Variants in SPON1 observed in about 807,000 individuals in gnomAD.
The protein encoded by SPON1 is spondin 1, also known as spondin-1.
SPON1 carries 52 observed loss-of-function variants against 111.7 expected under a neutral mutation model. The observed-to-expected ratio is 0.47, with a 90% CI of 0.37 to 0.59. The LOEUF is 0.59. SPON1 is among the 20% of genes least tolerant of loss of function. The pLI is 0.00. For missense variants in SPON1, 957 were observed against 1,068.5 expected (o/e 0.90, Z 1.46); for synonymous variants, 410 against 395.8 (o/e 1.04, Z -0.43).
At chr11:14,029,133 A>G (rs1466246284) in intron 2 of SPON1, among the ~76,000 whole-genome samples, 1 of 151,920 alleles carries the variant, frequency 6.6e-6, no homozygotes, top group Admixed American at 6.6e-5. Context: ...CTACACACAC[A>G]CACACACACA....
chr11:14,249,384 G>A (rs1554940489), intron 7 of SPON1, among the ~76,000 whole-genome samples: 1 of 152,164 alleles, frequency 6.6e-6, no homozygotes, highest in Admixed American at 6.5e-5. Flanking sequence ...AGAAGCAGGT[G>A]GTAGGTCTAA....
At chr11:14,065,583 G>C (rs1361382480) in intron 3 of SPON1, among the ~76,000 whole-genome samples, 1 of 152,146 alleles carries the variant, frequency 6.6e-6, no homozygotes, top group Non-Finnish European at 1.5e-5. Context: ...TGAAGTCTTG[G>C]GTGCTTGGAA....
At chr11:14,196,964 C>G (rs1029957837) in intron 6 of SPON1, among the ~76,000 whole-genome samples, 3 of 152,300 alleles carry the variant, frequency 2.0e-5, no homozygotes, top group Admixed American at 1.3e-4. Context: ...GCAGGAGAAT[C>G]TCTTGAACCC....
intron 6 of SPON1, among the ~76,000 whole-genome samples, chr11:14,147,563 AC>A (rs1192800619): frequency 2.0e-5 from 3 of 151,824 alleles, no homozygotes; most frequent in Non-Finnish European, 4.4e-5. Context: ...GATTACAGGC[AC>A]CCACCACCAG....
chr11:14,068,306 C>T (rs1281088248), intron 3 of SPON1, among the ~76,000 whole-genome samples: 4 of 152,144 alleles, frequency 2.6e-5, no homozygotes, highest in African/African-American at 9.7e-5. Context: ...AACTAGCTTT[C>T]CTTTAGTTTT....
chr11:14,065,527 G>A lies in SPON1; in HGVS notation c.480-9818G>A, dbSNP rs948802551. Among the ~76,000 whole-genome samples, 7 of 152,318 alleles carry A rather than the reference G, an allele frequency of 4.6e-5. No homozygotes were observed. In the South Asian group the frequency reaches 1.0e-3, roughly 23 times the overall value. Reference sequence around the variant, plus strand: ...TTTCTATTTCTTGTTTTCCAGCTGAGACAGGTTCTATTTTGGATCAGAGCA... The same window carrying A: ...TTTCTATTTCTTGTTTTCCAGCTGAAACAGGTTCTATTTTGGATCAGAGCA... On this transcript the variant is annotated intron_variant, in intron 3 of 15. Transcript: ENST00000576479.
intron 2 of SPON1, among the ~76,000 whole-genome samples, chr11:13,996,146 T>C (rs1848270492): frequency 6.6e-6 from 1 of 151,970 alleles, no homozygotes; most frequent in East Asian, 1.9e-4. Context: ...ACCTAGAGCC[T>C]CACAAGGGCC....
chr11:14,209,249 A>C (rs1239352528), intron 6 of SPON1, among the ~76,000 whole-genome samples: 1 of 151,924 alleles, frequency 6.6e-6, no homozygotes, highest in Non-Finnish European at 1.5e-5. Context: ...GTGAGAGGAG[A>C]CTTCTTTAAG....
intron 6 of SPON1, among the ~76,000 whole-genome samples, chr11:14,160,699 T>TTATATATATATTTATATATTTA (rs1213703807): frequency 1.0e-4 from 3 of 29,470 alleles, no homozygotes; most frequent in African/African-American, 1.4e-4. Flanking sequence ...ATTTATATAT[T>TTATATATATATTTATATATTTA]TATATATATT....
intron 5 of SPON1, among the ~76,000 whole-genome samples, chr11:14,089,817 G>A (rs529290047): frequency 3.2e-4 from 48 of 152,300 alleles, no homozygotes; most frequent in African/African-American, 1.1e-3. Flanking sequence ...CCCTGACTGG[G>A]CCTGCCGCCT....
chr11:14,170,169 A>G (rs542016576), intron 6 of SPON1, among the ~76,000 whole-genome samples: 2 of 152,046 alleles, frequency 1.3e-5, no homozygotes, highest in Admixed American at 1.3e-4. Context: ...CTTTTATTAC[A>G]TTGAGCAGTG....
chr11:13,974,307 TAGC>T (rs1358778114), intron 1 of SPON1, among the ~76,000 whole-genome samples: 3 of 152,082 alleles, frequency 2.0e-5, no homozygotes, highest in Non-Finnish European at 4.4e-5. Context: ...CAGTAACACA[TAGC>T]AGGTGGATGG....
intron 7 of SPON1, among the ~76,000 whole-genome samples, chr11:14,252,094 A>G (rs1001524220): frequency 2.0e-5 from 3 of 152,252 alleles, no homozygotes; most frequent in African/African-American, 7.2e-5. Flanking sequence ...CTAGAAGTGG[A>G]GGAGTTCAAG....
chr11:14,075,247 C>T, intron 3 of SPON1, 98 bp from the exon 4 acceptor site: 1 of 881,438 alleles, frequency 1.1e-6, no homozygotes. Context: ...GTGACTCACT[C>T]AAAGCCACAA....
intron 5 of SPON1, among the ~76,000 whole-genome samples, chr11:14,103,527 A>C (rs1554924606): frequency 6.6e-6 from 1 of 152,144 alleles, no homozygotes; most frequent in Non-Finnish European, 1.5e-5. Flanking sequence ...TCCTCCCACC[A>C]CTGGGCCAGA....
chr11:14,074,284 A>C (rs536108701), intron 3 of SPON1, among the ~76,000 whole-genome samples: 4 of 152,344 alleles, frequency 2.6e-5, no homozygotes, highest in African/African-American at 9.6e-5. Flanking sequence ...GACTAGATGT[A>C]GAGTAGATAT....
intron 3 of SPON1, among the ~76,000 whole-genome samples, chr11:14,073,717 G>T (rs1200187342): frequency 1.3e-5 from 2 of 152,176 alleles, no homozygotes; most frequent in Non-Finnish European, 2.9e-5. Context: ...TCAGCTGCAG[G>T]TTTGGTTATT....
rs555369148 is a variant in SPON1, at chr11:14,022,987, C to A, written c.346-18534C>A. Reference sequence around the variant, plus strand: ...TTCCTCCCTCTTTTCCTTCCTAACTCCTTAAGGTTTGTGGGCGGGATCATG... The same window carrying A: ...TTCCTCCCTCTTTTCCTTCCTAACTACTTAAGGTTTGTGGGCGGGATCATG... On this transcript the variant is annotated intron_variant, in intron 2 of 15. Transcript: ENST00000576479. 2.0e-5 allele frequency among the ~76,000 whole-genome samples: 3 copies of A among 152,272 alleles called. No individual in the cohort carries two copies. In the South Asian group the frequency reaches 6.2e-4, roughly 32 times the overall value.
At chr11:14,207,495 G>A (rs1554936300) in intron 6 of SPON1, among the ~76,000 whole-genome samples, 1 of 151,788 alleles carries the variant, frequency 6.6e-6, no homozygotes, top group Non-Finnish European at 1.5e-5. Context: ...CGTCTATAAG[G>A]AACTTAAACA....
Sources: gnomAD v4.1 joint callset for allele counts (sites outside exome capture counted in the v4.1 genomes callset) on GRCh38, gnomAD v4.1.1 for gene constraint, MANE v1.5 for transcripts, NCBI Gene and HGNC (gene_info 2026-07-23, HGNC 2026-07-21) for gene names.